LRRC7: variants seen among roughly 807,000 people sequenced by gnomAD.
The protein encoded by LRRC7 is leucine-rich repeat-containing protein 7.
Under a neutral mutation model 175.7 loss-of-function variants are expected in LRRC7, and 23 were observed. The ratio of observed to expected loss-of-function variants is 0.13; its 90% CI spans 0.09 to 0.19. LRRC7 has a LOEUF of 0.19. Among genes scored for constraint, LRRC7 ranks in the 10% least tolerant of loss-of-function variants. The pLI is 1.00. For synonymous variants in LRRC7, 685 were observed against 680.9 expected (o/e 1.01, Z -0.09); for missense variants, 1,354 against 1,904.7 (o/e 0.71, Z 5.38).
intron 3 of LRRC7, among the ~76,000 whole-genome samples, chr1:69,776,837 G>A (rs1672865676): frequency 6.7e-6 from 1 of 150,296 alleles, no homozygotes; most frequent in African/African-American, 2.5e-5. Context: ...GTGTGGGTGT[G>A]TGGGTCTGTG....
intron 24 of LRRC7, among the ~76,000 whole-genome samples, chr1:70,076,907 T>C (rs1404174752): frequency 6.6e-6 from 1 of 152,216 alleles, no homozygotes; most frequent in Non-Finnish European, 1.5e-5. Flanking sequence ...CATTGTAGTA[T>C]CTGTTTTAGT....
At chr1:69,894,629 G>A (rs1645926969) in intron 7 of LRRC7, among the ~76,000 whole-genome samples, 1 of 152,114 alleles carries the variant, frequency 6.6e-6, no homozygotes, top group Non-Finnish European at 1.5e-5. Context: ...TGTGGCATTT[G>A]TACACATTAC....
intron 7 of LRRC7, among the ~76,000 whole-genome samples, chr1:69,866,318 AGTT>A (rs779616006): frequency 1.4e-4 from 22 of 152,260 alleles, no homozygotes; most frequent in South Asian, 6.2e-4. Flanking sequence ...AAGGAGACAG[AGTT>A]GTTGTGTCAA....
At chr1:69,957,799 A>G (rs142866374) in intron 8 of LRRC7, among the ~76,000 whole-genome samples, 27 of 152,094 alleles carry the variant, frequency 1.8e-4, no homozygotes, top group African/African-American at 5.8e-4. Context: ...AATTATCAGT[A>G]AAAAGAAATT....
intron 1 of LRRC7, among the ~76,000 whole-genome samples, chr1:69,666,449 C>A (rs1178585504): frequency 6.6e-6 from 1 of 152,014 alleles, no homozygotes; most frequent in Non-Finnish European, 1.5e-5. Flanking sequence ...CGGTCCTAGG[C>A]TTTTCTTTGC....
Position 69,995,615 on chromosome 1 carries a change from C to T in LRRC7, c.1004+982C>T, listed in dbSNP as rs112214712. ...TCCCCTTCCCGTGTCCATGTGTTCTCATTGTTCAAGTCCCACCTATGAGTG... is the reference window on the plus strand; with the variant it reads ...TCCCCTTCCCGTGTCCATGTGTTCTTATTGTTCAAGTCCCACCTATGAGTG... On this transcript the variant is annotated intron_variant, in intron 11 of 26. Transcript: ENST00000651989. 7.5e-3 allele frequency among the ~76,000 whole-genome samples: 1,117 copies of T among 148,856 alleles called. 13 individuals carry two copies. The highest frequency in any genetic ancestry group is 0.026 in the African/African-American group (1,068 of 40,516).
At chr1:69,788,707 C>T (rs984316779) in intron 3 of LRRC7, among the ~76,000 whole-genome samples, 2 of 152,224 alleles carry the variant, frequency 1.3e-5, no homozygotes, top group African/African-American at 4.8e-5. Context: ...TCCATTTTTT[C>T]ACACCTTTCC....
At chr1:69,925,566 A>C (rs1434799506) in intron 7 of LRRC7, among the ~76,000 whole-genome samples, 1 of 152,038 alleles carries the variant, frequency 6.6e-6, no homozygotes, top group East Asian at 1.9e-4. Context: ...CATTTCTTCT[A>C]GATTTTCTAG....
At chr1:69,981,847 T>C (rs754315319) in intron 9 of LRRC7, among the ~76,000 whole-genome samples, 14 of 152,220 alleles carry the variant, frequency 9.2e-5, no homozygotes, top group Non-Finnish European at 1.5e-4. Flanking sequence ...CTCTGTGTTG[T>C]ACAAATGTTG....
rs1359027064 is a variant in LRRC7, at chr1:69,634,954, A to AT, written c.3-43423dup. Reference sequence around the variant, plus strand: ...TTAAAATTGCTTGTTTAAACTTTTTATTTTAAGTTCAAGGATATATGTGCA... The same window carrying AT: ...TTAAAATTGCTTGTTTAAACTTTTTATTTTTAAGTTCAAGGATATATGTGCA... On this transcript the variant is annotated intron_variant, in intron 1 of 26. Transcript: ENST00000651989. Among the ~76,000 whole-genome samples the AT allele has an allele frequency of 2.0e-5, 3 of 152,222 alleles. No homozygotes were observed. The East Asian group carries it at 5.8e-4, about 29-fold the overall frequency.
intron 13 of LRRC7, 81 bp from the exon 14 acceptor site, chr1:70,016,384 G>A (rs1295893824): frequency 4.9e-6 from 5 of 1,014,694 alleles, no homozygotes; most frequent in Non-Finnish European, 7.0e-6. Context: ...AAACCAACAA[G>A]TTAGAGTATT....
intron 4 of LRRC7, among the ~76,000 whole-genome samples, chr1:69,800,061 C>T (rs1676281985): frequency 6.6e-6 from 1 of 151,876 alleles, no homozygotes. Context: ...AGATATGTCA[C>T]ATTATCTCTG....
chr1:70,111,849 C>A (rs1428752162), intron 26 of LRRC7, among the ~76,000 whole-genome samples: 1 of 151,900 alleles, frequency 6.6e-6, no homozygotes, highest in Non-Finnish European at 1.5e-5. Flanking sequence ...CTAATTTTGG[C>A]AAGAAAGAGA....
At chr1:69,635,543 A>G (rs1161907284) in intron 1 of LRRC7, among the ~76,000 whole-genome samples, 1 of 152,162 alleles carries the variant, frequency 6.6e-6, no homozygotes, top group Non-Finnish European at 1.5e-5. Flanking sequence ...ATTTTTGACA[A>G]AAAAAGATTT....
chr1:69,653,283 CTT>C (rs34419253), intron 1 of LRRC7, among the ~76,000 whole-genome samples: 1 of 137,928 alleles, frequency 7.3e-6, no homozygotes, highest in African/African-American at 2.6e-5. Flanking sequence ...AATTTAAAAA[CTT>C]TTTTTTAATT....
chr1:69,780,090 C>T (rs1673312943), intron 3 of LRRC7, among the ~76,000 whole-genome samples: 2 of 152,298 alleles, frequency 1.3e-5, no homozygotes, highest in Admixed American at 6.5e-5. Flanking sequence ...TCTAATCTCC[C>T]ACCTGCCTGT....
At chr1:69,844,882 A>G (rs1392354815) in intron 7 of LRRC7, among the ~76,000 whole-genome samples, 1 of 152,178 alleles carries the variant, frequency 6.6e-6, no homozygotes, top group Admixed American at 6.6e-5. Flanking sequence ...AATAAAGATA[A>G]AAACACTTTC....
intron 1 of LRRC7, among the ~76,000 whole-genome samples, chr1:69,604,465 G>A (rs1043403560): frequency 6.6e-6 from 1 of 152,148 alleles, no homozygotes; most frequent in African/African-American, 2.4e-5. Flanking sequence ...ATGAATTGTA[G>A]AAGTCTGCTG....
At chr1:69,614,060 G>A (rs1649230813) in intron 1 of LRRC7, among the ~76,000 whole-genome samples, 1 of 150,096 alleles carries the variant, frequency 6.7e-6, no homozygotes. Flanking sequence ...ATTTATGAAT[G>A]ATAATTATCA....
Sources: gnomAD v4.1 joint callset for allele counts (sites outside exome capture counted in the v4.1 genomes callset) on GRCh38, gnomAD v4.1.1 for gene constraint, MANE v1.5 for transcripts, NCBI Gene and HGNC (gene_info 2026-07-23, HGNC 2026-07-21) for gene names.